Variants in MLIP observed in about 807,000 individuals in gnomAD.
MLIP encodes the protein muscular LMNA-interacting protein.
Under a neutral mutation model 84.8 loss-of-function variants are expected in MLIP, and 79 were observed. The ratio of observed to expected loss-of-function variants is 0.93; its 90% CI spans 0.78 to 1.12. The LOEUF is 1.12. Among genes scored for constraint, MLIP ranks in the 50% most tolerant of loss-of-function variants. The pLI, the probability that MLIP is intolerant of heterozygous loss-of-function variation, is 0.00. For missense variants in MLIP, 1,257 were observed against 1,160.6 expected (o/e 1.08, Z -1.21); for synonymous variants, 504 against 463.0 (o/e 1.09, Z -1.14).
chr6:54,139,954 A>C (rs1331489914), intron 4 of MLIP, among the ~76,000 whole-genome samples: 1 of 152,188 alleles, frequency 6.6e-6, no homozygotes, highest in Non-Finnish European at 1.5e-5. Flanking sequence ...CTTGTATTTT[A>C]AACATTCAAA....
intron 4 of MLIP, among the ~76,000 whole-genome samples, chr6:54,148,806 T>C (rs1249548655): frequency 1.3e-5 from 2 of 152,202 alleles, no homozygotes; most frequent in Non-Finnish European, 2.9e-5. Flanking sequence ...TTTTAAGCTC[T>C]GAAATGGAGT....
intron 12 of MLIP, among the ~76,000 whole-genome samples, chr6:54,243,422 C>T (rs147615856): frequency 0.01 from 1,565 of 152,142 alleles, 31 homozygotes; most frequent in African/African-American, 0.034. Context: ...AGATAGCTTC[C>T]ACCTTCCTGA....
chr6:54,037,077 TA>T (rs1266081607), intron 1 of MLIP, among the ~76,000 whole-genome samples: 1 of 152,050 alleles, frequency 6.6e-6, no homozygotes, highest in Non-Finnish European at 1.5e-5. Context: ...CACATGGGAC[TA>T]TGACTAGTCA....
chr6:54,169,310 A>G (rs1268274825), intron 8 of MLIP, among the ~76,000 whole-genome samples: 4 of 151,748 alleles, frequency 2.6e-5, no homozygotes, highest in South Asian at 4.1e-4. Context: ...GACATCATCA[A>G]TAAATAAGGA....
chr6:54,084,927 T>C (rs977003170), intron 1 of MLIP, among the ~76,000 whole-genome samples: 2 of 152,232 alleles, frequency 1.3e-5, no homozygotes, highest in Non-Finnish European at 2.9e-5. Flanking sequence ...CCTTTTGAGA[T>C]GATTCCAGGT....
intron 9 of MLIP, among the ~76,000 whole-genome samples, chr6:54,180,914 G>A (rs1215875735): frequency 6.6e-6 from 1 of 152,154 alleles, no homozygotes. Context: ...GTTTGTCAGT[G>A]TCTCAACATT....
intron 10 of MLIP, among the ~76,000 whole-genome samples, chr6:54,195,316 C>T (rs1778218109): frequency 6.6e-6 from 1 of 152,040 alleles, no homozygotes; most frequent in African/African-American, 2.4e-5. Flanking sequence ...AAAATAAACT[C>T]TTGAAAGCTG....
chr6:54,171,920 T>C (rs1422346003), intron 9 of MLIP, among the ~76,000 whole-genome samples: 1 of 151,572 alleles, frequency 6.6e-6, no homozygotes, highest in African/African-American at 2.4e-5. Flanking sequence ...CTTCAAACTT[T>C]GGAGAAAGTT....
intron 2 of MLIP, among the ~76,000 whole-genome samples, chr6:54,122,177 T>G (rs1210492766): frequency 6.6e-6 from 1 of 152,134 alleles, no homozygotes; most frequent in African/African-American, 2.4e-5. Context: ...AAATGTTATG[T>G]AGGTAAATAA....
At chr6:54,134,007 C>A (rs914937146) in intron 3 of MLIP, among the ~76,000 whole-genome samples, 1 of 151,992 alleles carries the variant, frequency 6.6e-6, no homozygotes, top group Non-Finnish European at 1.5e-5. Context: ...GTAAAGAAAA[C>A]CTAGAACAGC....
intron 10 of MLIP, among the ~76,000 whole-genome samples, chr6:54,200,118 TC>T (rs1778566892): frequency 6.6e-6 from 1 of 152,092 alleles, no homozygotes; most frequent in East Asian, 1.9e-4. Flanking sequence ...GTATCTGATA[TC>T]CAACCAACCA....
intron 1 of MLIP, among the ~76,000 whole-genome samples, chr6:54,045,114 C>T (rs1243807890): frequency 1.3e-5 from 2 of 151,702 alleles, no homozygotes; most frequent in African/African-American, 2.4e-5. Context: ...TTAGGGAGGC[C>T]GAGGTGGGCA....
intron 1 of MLIP, chr6:54,083,376 A>T (rs1767284900): frequency 2.7e-6 from 3 of 1,121,510 alleles, no homozygotes; most frequent in Non-Finnish European, 3.7e-6. Context: ...TAACAGATGC[A>T]TTGCTATTTC....
chr6:54,163,131 C>T (rs1285915323), intron 8 of MLIP, among the ~76,000 whole-genome samples: 3 of 151,940 alleles, frequency 2.0e-5, no homozygotes, highest in African/African-American at 4.8e-5. Context: ...TTTTTAGAAG[C>T]TTTATCAGCA....
intron 1 of MLIP, among the ~76,000 whole-genome samples, chr6:54,041,927 T>C (rs1430685718): frequency 2.0e-5 from 3 of 152,072 alleles, no homozygotes; most frequent in Non-Finnish European, 2.9e-5. Context: ...AAAAATGTCC[T>C]CATATATGTT....
chr6:54,125,815 G>T (rs1380265773), intron 3 of MLIP, among the ~76,000 whole-genome samples: 2 of 152,066 alleles, frequency 1.3e-5, no homozygotes, highest in South Asian at 2.1e-4. Context: ...TTTTACTGGC[G>T]TGTTGGTCTT....
intron 1 of MLIP, among the ~76,000 whole-genome samples, chr6:54,088,935 T>A (rs772302372): frequency 7.2e-5 from 11 of 152,158 alleles, no homozygotes; most frequent in Non-Finnish European, 1.2e-4. Context: ...GGGGGCCACC[T>A]TTTTTTCCCT....
intron 1 of MLIP, among the ~76,000 whole-genome samples, chr6:54,070,735 TG>T (rs993740215): frequency 3.3e-5 from 5 of 152,212 alleles, no homozygotes; most frequent in African/African-American, 1.2e-4. Flanking sequence ...TTTAGCATAT[TG>T]TTTTTTTATG....
At chr6:54,180,111 T>C (rs1776706920) in intron 9 of MLIP, among the ~76,000 whole-genome samples, 1 of 152,162 alleles carries the variant, frequency 6.6e-6, no homozygotes, top group Non-Finnish European at 1.5e-5. Flanking sequence ...GTTTGTTTGT[T>C]TTTCCTTCAG....
Sources: gnomAD v4.1 joint callset for allele counts (sites outside exome capture counted in the v4.1 genomes callset) on GRCh38, gnomAD v4.1.1 for gene constraint, MANE v1.5 for transcripts, NCBI Gene and HGNC (gene_info 2026-07-23, HGNC 2026-07-21) for gene names.